The following DLG2 variants were observed in gnomAD, a reference collection of about 807,000 sequenced individuals.
The protein encoded by DLG2 is disks large homolog 2.
DLG2 carries 45 observed loss-of-function variants against 132.5 expected under a neutral mutation model. The observed-to-expected ratio is 0.34, with a 90% CI of 0.27 to 0.44. DLG2 has a LOEUF of 0.44. DLG2 is among the 20% of genes least tolerant of loss of function. DLG2 has a pLI of 1.00. For missense variants in DLG2, 1,045 were observed against 1,196.9 expected (o/e 0.87, Z 1.87); for synonymous variants, 424 against 419.6 (o/e 1.01, Z -0.13).
At chr11:84,271,498 T>C (rs1205812038) in intron 7 of DLG2, among the ~76,000 whole-genome samples, 1 of 152,202 alleles carries the variant, frequency 6.6e-6, no homozygotes, top group Non-Finnish European at 1.5e-5. Context: ...TTTCTCCAGA[T>C]GGACTTTAAT....
chr11:83,553,442 G>C (rs2096439378), intron 19 of DLG2, among the ~76,000 whole-genome samples: 1 of 151,088 alleles, frequency 6.6e-6, no homozygotes, highest in Non-Finnish European at 1.5e-5. Context: ...TAGATGAAAA[G>C]CCCTCAGATC....
intron 6 of DLG2, among the ~76,000 whole-genome samples, chr11:84,888,268 C>A (rs2088687785): frequency 6.6e-6 from 1 of 152,056 alleles, no homozygotes; most frequent in African/African-American, 2.4e-5. Flanking sequence ...TCGACTCTCA[C>A]CAATGTGGAC....
chr11:84,184,221 G>A (rs1303080346), intron 8 of DLG2, among the ~76,000 whole-genome samples: 15 of 152,134 alleles, frequency 9.9e-5, no homozygotes, highest in East Asian at 5.8e-4. Context: ...ATTTCTCCAC[G>A]TCCTCTCCAG....
chr11:84,894,629 G>A (rs6592211), intron 6 of DLG2, among the ~76,000 whole-genome samples: 63,835 of 151,956 alleles, frequency 0.42, 13,873 homozygotes, highest in Middle Eastern at 0.45. Context: ...TTCTAAGGCA[G>A]GGAATTCTTT....
intron 7 of DLG2, among the ~76,000 whole-genome samples, chr11:84,484,723 T>C (rs1439738145): frequency 1.3e-5 from 2 of 152,154 alleles, no homozygotes; most frequent in African/African-American, 4.8e-5. Flanking sequence ...AATAAAAAGC[T>C]TGATCCTGGA....
At chr11:84,925,201 T>C (rs1348679126) in intron 6 of DLG2, among the ~76,000 whole-genome samples, 2 of 152,118 alleles carry the variant, frequency 1.3e-5, no homozygotes, top group African/African-American at 2.4e-5. Flanking sequence ...GATATTTGGA[T>C]GGCCCAGGAG....
At chr11:85,192,676 T>C (rs189269655) in intron 4 of DLG2, among the ~76,000 whole-genome samples, 1 of 152,366 alleles carries the variant, frequency 6.6e-6, no homozygotes, top group African/African-American at 2.4e-5. Flanking sequence ...CCTTAGATTA[T>C]AATAAATCAC....
At chr11:83,553,395 A>G (rs2096438711) in intron 19 of DLG2, among the ~76,000 whole-genome samples, 1 of 152,108 alleles carries the variant, frequency 6.6e-6, no homozygotes. Context: ...ACATGGTAGA[A>G]ACTATCTCAC....
intron 18 of DLG2, among the ~76,000 whole-genome samples, chr11:83,705,571 A>C (rs990427705): frequency 1.1e-4 from 16 of 152,194 alleles, no homozygotes; most frequent in African/African-American, 3.9e-4. Flanking sequence ...AGTAGTTCTT[A>C]ATAAATAAAC....
intron 18 of DLG2, among the ~76,000 whole-genome samples, chr11:83,716,431 G>C (rs2086718434): frequency 6.6e-6 from 1 of 152,120 alleles, no homozygotes; most frequent in Non-Finnish European, 1.5e-5. Flanking sequence ...ATTTCTACAA[G>C]AACTTCAGTG....
At position 84,318,862 on chromosome 11, in the gene DLG2, G is replaced by A. The variant is rs544276523; in HGVS notation, c.520-67571C>T. 7.9e-5 allele frequency among the ~76,000 whole-genome samples: 12 copies of A among 152,212 alleles called. 1 individual carries two copies. In the South Asian group the frequency reaches 2.5e-3, roughly 32 times the overall value. On this transcript the variant is annotated intron_variant, in intron 7 of 27. Coordinates refer to ENST00000376104, the MANE Select transcript of DLG2 (RefSeq NM_001142699.3). ...CTTTCACACCGTCCACCACAAAACA[G>A]GCAGTAAATACATACATATGTTTGA...
chr11:83,813,145 G>T (rs895925478), intron 17 of DLG2, among the ~76,000 whole-genome samples: 26 of 152,114 alleles, frequency 1.7e-4, no homozygotes, highest in African/African-American at 6.0e-4. Flanking sequence ...TGATAGTAAA[G>T]CAGGGTTCAA....
At chr11:84,998,294 T>A (rs1282791219) in intron 6 of DLG2, among the ~76,000 whole-genome samples, 1 of 152,004 alleles carries the variant, frequency 6.6e-6, no homozygotes, top group East Asian at 1.9e-4. Flanking sequence ...ATTTCCCCCA[T>A]CCTGTCCTCA....
rs1566441352 is a variant in DLG2, at chr11:84,934,512, T to TTTTGG, written c.357+177148_357+177149insCCAAA. Among the ~76,000 whole-genome samples the TTTTGG allele has an allele frequency of 5.7e-5, 4 of 70,168 alleles. No individual in the cohort carries two copies. The East Asian group carries it at 3.7e-3, about 65-fold the overall frequency. 46.0% of individuals were successfully genotyped at this position (70,168 alleles called of 152,430 possible). On this transcript the variant is annotated intron_variant, in intron 6 of 27. Coordinates refer to ENST00000376104, the MANE Select transcript of DLG2 (RefSeq NM_001142699.3). The stretch of plus-strand genomic sequence containing the variant: ...TCTGTATGGTCCTGGGTGTTTTTTT[T>TTTTGG]TTGTTTTGTTTTGTTTTTTTTTTTT...
chr11:83,519,018 G>C (rs901644019), intron 21 of DLG2, among the ~76,000 whole-genome samples: 1 of 152,140 alleles, frequency 6.6e-6, no homozygotes, highest in South Asian at 2.1e-4. Flanking sequence ...AAGTGTGGGG[G>C]TCAGGAACTT....
intron 3 of DLG2, among the ~76,000 whole-genome samples, chr11:85,433,349 C>T (rs116870560): frequency 0.049 from 7,481 of 152,140 alleles, 251 homozygotes; most frequent in East Asian, 0.1. Context: ...GCTAAATGCC[C>T]CAGTTAAAAG....
At chr11:84,431,866 T>A (rs2098985738) in intron 7 of DLG2, among the ~76,000 whole-genome samples, 2 of 152,306 alleles carry the variant, frequency 1.3e-5, no homozygotes, top group East Asian at 3.9e-4. Context: ...ATCTTGCAAT[T>A]CATGATGTGT....
intron 7 of DLG2, among the ~76,000 whole-genome samples, chr11:84,415,681 C>T (rs976515267): frequency 3.3e-5 from 5 of 152,174 alleles, no homozygotes; most frequent in Admixed American, 6.5e-5. Context: ...CCCAGACCCT[C>T]AGGCTTGACT....
chr11:84,602,412 T>C (rs960452390), intron 6 of DLG2, among the ~76,000 whole-genome samples: 2 of 151,980 alleles, frequency 1.3e-5, no homozygotes, highest in Admixed American at 6.6e-5. Flanking sequence ...TTATATTAAA[T>C]AATGAAAACT....
Sources: allele counts gnomAD v4.1 joint callset (sites outside exome capture counted in the v4.1 genomes callset), GRCh38; gene constraint gnomAD v4.1.1; transcripts MANE v1.5; gene names NCBI Gene and HGNC (gene_info 2026-07-23, HGNC 2026-07-21).